The following CLSTN2 variants were observed in gnomAD, a reference collection of about 807,000 sequenced individuals.
CLSTN2 encodes the protein calsyntenin-2.
A neutral mutation model predicts 101.2 loss-of-function variants in CLSTN2; 48 were observed. That is an observed-to-expected ratio of 0.47 (90% CI 0.38 to 0.60). The LOEUF (loss-of-function observed/expected upper bound fraction) is 0.60, where lower values mean the gene tolerates loss of function less well. CLSTN2 is among the 20% of genes least tolerant of loss of function. The pLI is 0.00. For synonymous variants in CLSTN2, 481 were observed against 463.6 expected (o/e 1.04, Z -0.48); for missense variants, 1,160 against 1,238.2 (o/e 0.94, Z 0.95).
At chr3:140,426,489 G>GGT (rs1170390673) in intron 5 of CLSTN2, among the ~76,000 whole-genome samples, 1 of 152,066 alleles carries the variant, frequency 6.6e-6, no homozygotes, top group African/African-American at 2.4e-5. Context: ...AGTATTCCGT[G>GGT]GTGTATATAT....
At chr3:140,153,542 A>G (rs1464730536) in intron 1 of CLSTN2, among the ~76,000 whole-genome samples, 1 of 152,250 alleles carries the variant, frequency 6.6e-6, no homozygotes, top group Non-Finnish European at 1.5e-5. Flanking sequence ...ACCTGTGTGT[A>G]TGTTGTAGAC....
chr3:140,090,805 G>C (rs1326440359), intron 1 of CLSTN2, among the ~76,000 whole-genome samples: 2 of 152,128 alleles, frequency 1.3e-5, no homozygotes, highest in East Asian at 3.9e-4. Context: ...GACATAGTAA[G>C]GGCAAGATAG....
intron 8 of CLSTN2, among the ~76,000 whole-genome samples, chr3:140,511,339 G>T (rs1329498900): frequency 6.6e-6 from 1 of 152,062 alleles, no homozygotes; most frequent in Non-Finnish European, 1.5e-5. Context: ...ACACGTGCTT[G>T]TATCTTTATA....
At chr3:140,301,410 C>G (rs1317942879) in intron 2 of CLSTN2, among the ~76,000 whole-genome samples, 1 of 152,060 alleles carries the variant, frequency 6.6e-6, no homozygotes, top group Non-Finnish European at 1.5e-5. Flanking sequence ...GAAAAGTGGC[C>G]TTACTTTACT....
chr3:140,210,709 C>A (rs1024893613), intron 2 of CLSTN2, among the ~76,000 whole-genome samples: 3 of 152,068 alleles, frequency 2.0e-5, no homozygotes, highest in African/African-American at 7.2e-5. Flanking sequence ...ATGCTACTTT[C>A]CTGGGTATTT....
intron 2 of CLSTN2, among the ~76,000 whole-genome samples, chr3:140,396,210 C>T (rs2088180225): frequency 6.6e-6 from 1 of 152,142 alleles, no homozygotes; most frequent in Non-Finnish European, 1.5e-5. Context: ...TCACTAAACT[C>T]TCCCCGTGGG....
chr3:140,179,650 A>C (rs75072732), intron 2 of CLSTN2, among the ~76,000 whole-genome samples: 1 of 143,086 alleles, frequency 7.0e-6, no homozygotes, highest in East Asian at 1.9e-4. Context: ...AAAAAAAAAA[A>C]AACCTTGCTA....
At chr3:140,424,144 T>A (rs1001222046) in intron 5 of CLSTN2, among the ~76,000 whole-genome samples, 1 of 152,160 alleles carries the variant, frequency 6.6e-6, no homozygotes, top group African/African-American at 2.4e-5. Flanking sequence ...CCTTAATTTT[T>A]TCCCCCAGCT....
At chr3:140,486,780 C>T (rs147224295) in intron 8 of CLSTN2, among the ~76,000 whole-genome samples, 57 of 152,142 alleles carry the variant, frequency 3.7e-4, no homozygotes, top group African/African-American at 1.0e-3. Context: ...TGTAGAGGTG[C>T]GTGAATAATG....
chr3:140,368,638 C>T (rs1278128177), intron 2 of CLSTN2, among the ~76,000 whole-genome samples: 1 of 152,134 alleles, frequency 6.6e-6, no homozygotes, highest in Non-Finnish European at 1.5e-5. Flanking sequence ...CCTGCTTCCT[C>T]CTAGGACTCT....
chr3:140,147,981 G>T (rs915503856), intron 1 of CLSTN2, among the ~76,000 whole-genome samples: 1 of 152,218 alleles, frequency 6.6e-6, no homozygotes, highest in Non-Finnish European at 1.5e-5. Context: ...AACCAGGGGG[G>T]ATGCGGATGT....
chr3:140,324,332 G>T (rs1173204398), intron 2 of CLSTN2, among the ~76,000 whole-genome samples: 2 of 152,146 alleles, frequency 1.3e-5, no homozygotes, highest in African/African-American at 4.8e-5. Flanking sequence ...AGTCCATGTT[G>T]TACCCCTCTA....
chr3:140,203,109 A>C (rs952299722), intron 2 of CLSTN2, among the ~76,000 whole-genome samples: 4 of 152,222 alleles, frequency 2.6e-5, no homozygotes, highest in Admixed American at 2.0e-4. Context: ...TGTCGTGGGC[A>C]AGAAACCTTT....
intron 1 of CLSTN2, among the ~76,000 whole-genome samples, chr3:140,143,113 C>T (rs1404990965): frequency 6.6e-6 from 1 of 152,138 alleles, no homozygotes; most frequent in Non-Finnish European, 1.5e-5. Flanking sequence ...AACACAGTGC[C>T]TGGCATATAG....
intron 1 of CLSTN2, among the ~76,000 whole-genome samples, chr3:139,952,723 C>T (rs2107810985): frequency 6.6e-6 from 1 of 152,284 alleles, no homozygotes; most frequent in Non-Finnish European, 1.5e-5. Context: ...CCTTTGCTAC[C>T]TGTTCGTTTC....
At chr3:140,502,989 C>T (rs1309994069) in intron 8 of CLSTN2, among the ~76,000 whole-genome samples, 1 of 152,186 alleles carries the variant, frequency 6.6e-6, no homozygotes, top group Non-Finnish European at 1.5e-5. Flanking sequence ...TCTGGAGGCC[C>T]TAGAAGAGCT....
chr3:140,377,280 T>A (rs1009170586), intron 2 of CLSTN2, among the ~76,000 whole-genome samples: 1 of 152,248 alleles, frequency 6.6e-6, no homozygotes, highest in African/African-American at 2.4e-5. Context: ...GTATAGGACA[T>A]AATACTCAAT....
chr3:140,040,589 A>G (rs1341179251), intron 1 of CLSTN2, among the ~76,000 whole-genome samples: 1 of 151,790 alleles, frequency 6.6e-6, no homozygotes, highest in Non-Finnish European at 1.5e-5. Context: ...ACTTAATCCT[A>G]CCTCATCTGA....
intron 2 of CLSTN2, among the ~76,000 whole-genome samples, chr3:140,336,147 G>C (rs754615965): frequency 6.6e-6 from 1 of 152,184 alleles, no homozygotes; most frequent in African/African-American, 2.4e-5. Context: ...GGTGACTCAG[G>C]TTATTGATGA....
Sources: allele counts gnomAD v4.1 joint callset (sites outside exome capture counted in the v4.1 genomes callset), GRCh38; gene constraint gnomAD v4.1.1; transcripts MANE v1.5; gene names NCBI Gene and HGNC (gene_info 2026-07-23, HGNC 2026-07-21).